Variants in TPST1 observed in about 807,000 individuals in gnomAD.
The protein encoded by TPST1 is tyrosylprotein sulfotransferase 1.
In TPST1, 20 loss-of-function variants were observed where a neutral mutation model predicts 34.8. The ratio of observed to expected loss-of-function variants is 0.57; its 90% CI spans 0.40 to 0.84. TPST1 has a LOEUF of 0.84. Among genes scored for constraint, TPST1 ranks in the 40% least tolerant of loss-of-function variants. The pLI is 0.00. For synonymous variants in TPST1, 152 were observed against 159.4 expected (o/e 0.95, Z 0.35); for missense variants, 353 against 455.5 (o/e 0.78, Z 2.05).
chr7:66,355,599 CA>C (rs1274431486), intron 4 of TPST1, among the ~76,000 whole-genome samples: 1 of 150,530 alleles, frequency 6.6e-6, no homozygotes, highest in Non-Finnish European at 1.5e-5. Flanking sequence ...CTATCTCTAT[CA>C]AAAAATTAGC....
At chr7:66,310,414 G>A (rs550116581) in intron 3 of TPST1, among the ~76,000 whole-genome samples, 15 of 152,258 alleles carry the variant, frequency 9.9e-5, no homozygotes, top group African/African-American at 3.6e-4. Flanking sequence ...CTGGGCTTAG[G>A]ACTGTCCATC....
intron 1 of TPST1, among the ~76,000 whole-genome samples, chr7:66,230,701 C>T (rs1359531426): frequency 6.6e-6 from 1 of 152,082 alleles, no homozygotes; most frequent in Non-Finnish European, 1.5e-5. Context: ...TTGCAAAGAG[C>T]GAAAGAACAA....
chr7:66,313,244 A>T (rs993731074), intron 3 of TPST1, among the ~76,000 whole-genome samples: 34 of 151,882 alleles, frequency 2.2e-4, no homozygotes, highest in Non-Finnish European at 1.8e-4. Flanking sequence ...TGAAACCCTG[A>T]ATCTACTGAA....
intron 2 of TPST1, among the ~76,000 whole-genome samples, chr7:66,268,837 C>T (rs546231206): frequency 1.1e-4 from 17 of 152,010 alleles, no homozygotes; most frequent in Non-Finnish European, 1.6e-4. Context: ...TACAGGCACG[C>T]GCCACCACGC....
intron 2 of TPST1, among the ~76,000 whole-genome samples, chr7:66,280,976 T>C (rs775243413): frequency 1.3e-5 from 2 of 152,216 alleles, no homozygotes; most frequent in Non-Finnish European, 2.9e-5. Flanking sequence ...GTCATAGATA[T>C]CACTTATTGT....
chr7:66,316,100 A>G (rs1010413317), intron 3 of TPST1, among the ~76,000 whole-genome samples: 17 of 151,708 alleles, frequency 1.1e-4, no homozygotes, highest in African/African-American at 4.1e-4. Flanking sequence ...ACAAGAGTGA[A>G]ACTCCATCTC....
At chr7:66,265,890 TG>T (rs2115757252) in intron 2 of TPST1, among the ~76,000 whole-genome samples, 1 of 152,312 alleles carries the variant, frequency 6.6e-6, no homozygotes, top group Admixed American at 6.5e-5. Context: ...CTACCATATC[TG>T]GCAAAACTCC....
At chr7:66,222,861 TGA>T (rs1412180650) in intron 1 of TPST1, among the ~76,000 whole-genome samples, 3 of 152,184 alleles carry the variant, frequency 2.0e-5, no homozygotes, top group Non-Finnish European at 4.4e-5. Flanking sequence ...AGCAGTGCTG[TGA>T]GAGAGAACTT....
intron 3 of TPST1, among the ~76,000 whole-genome samples, chr7:66,331,441 G>T (rs900830097): frequency 6.6e-6 from 1 of 152,176 alleles, no homozygotes; most frequent in African/African-American, 2.4e-5. Context: ...TTGGCTATCT[G>T]AAACCCTTGG....
chr7:66,248,866 T>A (rs1790206963), intron 2 of TPST1, among the ~76,000 whole-genome samples: 1 of 152,184 alleles, frequency 6.6e-6, no homozygotes, highest in Non-Finnish European at 1.5e-5. Flanking sequence ...CCATTTGGGC[T>A]GCTATAACAA....
chr7:66,224,336 T>C (rs1033884832), intron 1 of TPST1, among the ~76,000 whole-genome samples: 1 of 152,232 alleles, frequency 6.6e-6, no homozygotes, highest in Non-Finnish European at 1.5e-5. Flanking sequence ...AGAAACCAGA[T>C]ACAGACTGGA....
chr7:66,270,185 G>A (rs1790678068), intron 2 of TPST1, among the ~76,000 whole-genome samples: 2 of 152,126 alleles, frequency 1.3e-5, no homozygotes, highest in African/African-American at 2.4e-5. Flanking sequence ...AAGAGACCAC[G>A]CCTGGCCTAG....
At chr7:66,303,391 G>GTGTGTGTATGTATGTATGTATGTATGTA (rs147490083) in intron 3 of TPST1, among the ~76,000 whole-genome samples, 21 of 150,164 alleles carry the variant, frequency 1.4e-4, no homozygotes, top group African/African-American at 3.0e-4. Context: ...ACAGCTGTGT[G>GTGTGTGTATGTATGTATGTATGTATGTA]TGTATGTATG....
chr7:66,199,400 T>A, the TPST1 span, among the ~76,000 whole-genome samples: 1 of 151,004 alleles, frequency 6.6e-6, no homozygotes, highest in African/African-American at 2.4e-5. Context: ...GTTCAAGTGA[T>A]TCTCCTGCCT....
chr7:66,316,376 G>T (rs1791634318), intron 3 of TPST1, among the ~76,000 whole-genome samples: 1 of 152,216 alleles, frequency 6.6e-6, no homozygotes, highest in African/African-American at 2.4e-5. Flanking sequence ...CTTACTGTGT[G>T]TGTGTTCCTG....
Position 66,240,285 on chromosome 7 carries a change from C to T in TPST1, c.-101-40C>T, listed in dbSNP as rs905013065. On this transcript the variant is annotated intron_variant, in intron 1 of 5. Coordinates refer to ENST00000304842, the MANE Select transcript of TPST1 (RefSeq NM_003596.4). ...AACTGGTGACTGATTTGTAAGCAAT[C>T]TCAATGTAATGATAAATAACCTTTT... 14 of 1,039,392 alleles carry T rather than the reference C, an allele frequency of 1.3e-5. No individual in the cohort carries two copies. The African/African-American group carries it at 2.1e-4, about 16-fold the overall frequency. 64.4% of individuals were successfully genotyped at this position (1,039,392 alleles called of 1,614,324 possible). A position where few individuals can be genotyped will look rare whatever the true frequency, so the allele number is the denominator to read the frequency against.
chr7:66,284,229 A>C lies in TPST1; in HGVS notation c.846-2282A>C, dbSNP rs184601486. 2.1e-3 allele frequency among the ~76,000 whole-genome samples: 325 copies of C among 152,322 alleles called. 2 individuals are homozygous for C. Among genetic ancestry groups the C allele is most frequent in the African/African-American group, 7.7e-3 (318 of 41,568 alleles). On this transcript the variant is annotated intron_variant, in intron 2 of 5. Transcript: ENST00000304842. Reference sequence around the variant, plus strand: ...CATAATGATAAATATGGCTTTCACTATTCTGATGAAGCAGAGCTACCATCA... The same window carrying C: ...CATAATGATAAATATGGCTTTCACTCTTCTGATGAAGCAGAGCTACCATCA...
Position 66,254,234 on chromosome 7 carries a change from A to G in TPST1, c.845+12964A>G, listed in dbSNP as rs562080870. Among the ~76,000 whole-genome samples, 4 of 152,304 alleles carry G rather than the reference A, an allele frequency of 2.6e-5. No individual in the cohort carries two copies. In the South Asian group the frequency reaches 6.2e-4, roughly 24 times the overall value. ...CTTAAAATATTAAGCCATTCTATCCATAATACAGTGGGCCTCTCCTTTTAT... is the reference window on the plus strand; with the variant it reads ...CTTAAAATATTAAGCCATTCTATCCGTAATACAGTGGGCCTCTCCTTTTAT... On this transcript the variant is annotated intron_variant, in intron 2 of 5. Transcript: ENST00000304842.
rs536181370 is a variant in TPST1 at position 66,298,261 on chromosome 7, T to C, written c.1044+11552T>C. Among the ~76,000 whole-genome samples the C allele has an allele frequency of 5.3e-5, 8 of 152,312 alleles. No individual in the cohort carries two copies. In the South Asian group the frequency reaches 1.7e-3, roughly 32 times the overall value. On this transcript the variant is annotated intron_variant, in intron 3 of 5. Transcript: ENST00000304842. ...GTCTGCTTTATTAATGTTGGGAAAA[T>C]TATGAATTTTTCAAATTTTCCTTAC... is the stretch of plus-strand genomic sequence containing the variant.
Sources: gnomAD v4.1 joint callset for allele counts (sites outside exome capture counted in the v4.1 genomes callset) on GRCh38, gnomAD v4.1.1 for gene constraint, MANE v1.5 for transcripts, NCBI Gene and HGNC (gene_info 2026-07-23, HGNC 2026-07-21) for gene names.